ACYP2: variants seen among roughly 807,000 people sequenced by gnomAD.
The protein encoded by ACYP2 is acylphosphatase-2.
ACYP2 carries 12 observed loss-of-function variants against 11.2 expected under a neutral mutation model. The observed-to-expected ratio is 1.08, with a 90% CI of 0.69 to 1.74. The LOEUF is 1.74. Among genes scored for constraint, ACYP2 ranks in the 40% most tolerant of loss-of-function variants. The pLI, the probability that ACYP2 is intolerant of heterozygous loss-of-function variation, is 0.00. For missense variants in ACYP2, 134 were observed against 101.9 expected, an observed-to-expected ratio of 1.31 and a Z score of -1.35; for synonymous variants, 43 against 32.2, an observed-to-expected ratio of 1.33 and a Z score of -1.13.
chr2:54,240,213 A>T (rs567942614), intron 6 of ACYP2, among the ~76,000 whole-genome samples: 10 of 152,298 alleles, frequency 6.6e-5, no homozygotes, highest in Admixed American at 5.9e-4. Context: ...TGTCACCATG[A>T]TCTTAGTGTT....
Position 54,165,962 on chromosome 2 carries a change from T to C in ACYP2, c.404+27214T>C, listed in dbSNP as rs191171748. ...TCAGCCTGACTTGTTGCAGAAAACATACTGCCTTAATCCACCAAAACACAC... is the reference window on the plus strand; with the variant it reads ...TCAGCCTGACTTGTTGCAGAAAACACACTGCCTTAATCCACCAAAACACAC... On this transcript the variant is annotated intron_variant, in intron 6 of 6. Transcript: ENST00000607452. Among the ~76,000 whole-genome samples the C allele has an allele frequency of 2.6e-3, 401 of 152,350 alleles. 2 individuals carry two copies. Among genetic ancestry groups the C allele is most frequent in the African/African-American group, 9.2e-3 (381 of 41,576 alleles).
chr2:54,298,855 G>C (rs1374292352), intron 6 of ACYP2, among the ~76,000 whole-genome samples: 1 of 152,134 alleles, frequency 6.6e-6, no homozygotes, highest in African/African-American at 2.4e-5. Flanking sequence ...AGGTTGAAGC[G>C]ATTCTCTTGC....
At chr2:54,100,926 G>C (rs956505739) in intron 4 of ACYP2, among the ~76,000 whole-genome samples, 4 of 152,216 alleles carry the variant, frequency 2.6e-5, no homozygotes, top group African/African-American at 9.6e-5. Context: ...GGTGCTAGGA[G>C]ACTCTTGAAG....
intron 4 of ACYP2, among the ~76,000 whole-genome samples, chr2:54,124,316 T>G (rs1169327056): frequency 1.3e-5 from 2 of 152,100 alleles, no homozygotes; most frequent in Non-Finnish European, 2.9e-5. Context: ...TGCCTCAGCC[T>G]CCTGTGTAGC....
At chr2:54,141,178 A>G (rs1681579677) in intron 6 of ACYP2, among the ~76,000 whole-genome samples, 1 of 152,108 alleles carries the variant, frequency 6.6e-6, no homozygotes, top group African/African-American at 2.4e-5. Context: ...AGCTCTTTGT[A>G]TATTGGTTAT....
intron 4 of ACYP2, among the ~76,000 whole-genome samples, chr2:54,067,952 A>T (rs1317348253): frequency 2.0e-5 from 3 of 152,234 alleles, no homozygotes; most frequent in Admixed American, 2.0e-4. Flanking sequence ...TGCATAACCC[A>T]TAAGATTTAA....
At chr2:53,971,902 C>T (rs148689114) in intron 1 of ACYP2, among the ~76,000 whole-genome samples, 6 of 152,260 alleles carry the variant, frequency 3.9e-5, no homozygotes, top group African/African-American at 7.2e-5. Context: ...AGAGAGGGGA[C>T]GGAGAAATGA....
At chr2:54,220,597 T>C (rs1041543973) in intron 6 of ACYP2, among the ~76,000 whole-genome samples, 7 of 151,718 alleles carry the variant, frequency 4.6e-5, no homozygotes, top group African/African-American at 1.4e-4. Flanking sequence ...TCTATTTTAA[T>C]AATATCAATT....
At position 54,076,016 on chromosome 2, in the gene ACYP2, TA is replaced by T. The variant is rs201547166; in HGVS notation, c.277+18658del. ...ATAAAAAGTGTTTTGATTTTAGATTTAATATTGTTTTTAGAACATTCATTAG... is the reference window on the plus strand; with the variant it reads ...ATAAAAAGTGTTTTGATTTTAGATTTATATTGTTTTTAGAACATTCATTAG... On this transcript the variant is annotated intron_variant, in intron 4 of 6. Coordinates refer to ENST00000607452, the MANE Select transcript of ACYP2 (RefSeq NM_001320586.2). 9.9e-3 allele frequency among the ~76,000 whole-genome samples: 1,514 copies of T among 152,324 alleles called. 12 individuals are homozygous for T. The highest frequency in any genetic ancestry group is 0.015 in the Non-Finnish European group (1,015 of 68,024).
chr2:54,118,832 A>T (rs1394959469), intron 4 of ACYP2, among the ~76,000 whole-genome samples: 1 of 152,192 alleles, frequency 6.6e-6, no homozygotes, highest in Non-Finnish European at 1.5e-5. Flanking sequence ...GTACAAACTC[A>T]CCATCACATA....
chr2:54,221,098 C>G (rs1209832045), intron 6 of ACYP2, among the ~76,000 whole-genome samples: 1 of 152,058 alleles, frequency 6.6e-6, no homozygotes, highest in African/African-American at 2.4e-5. Context: ...ATGAGAAGAG[C>G]TTTCCCTGGG....
intron 4 of ACYP2, among the ~76,000 whole-genome samples, chr2:54,104,389 A>G (rs1679048517): frequency 6.6e-6 from 1 of 152,216 alleles, no homozygotes; most frequent in Non-Finnish European, 1.5e-5. Flanking sequence ...AGTGTATTAT[A>G]TATTTATTTT....
At chr2:54,093,681 C>G (rs1278386641) in intron 4 of ACYP2, among the ~76,000 whole-genome samples, 1 of 152,238 alleles carries the variant, frequency 6.6e-6, no homozygotes, top group Non-Finnish European at 1.5e-5. Flanking sequence ...TGGCTCACGC[C>G]TGTAATTCCA....
chr2:54,125,665 G>T (rs1347357906), intron 4 of ACYP2, among the ~76,000 whole-genome samples: 16 of 152,154 alleles, frequency 1.1e-4, no homozygotes, highest in Admixed American at 8.5e-4. Context: ...CAGGAGAATT[G>T]CTTGAACCTG....
chr2:54,266,674 C>T (rs1300830212), intron 6 of ACYP2, among the ~76,000 whole-genome samples: 4 of 129,536 alleles, frequency 3.1e-5, no homozygotes, highest in East Asian at 4.9e-4. Context: ...GGCGCGATCT[C>T]GGCTCACTGC....
At chr2:54,277,427 C>A (rs1294408866) in intron 6 of ACYP2, among the ~76,000 whole-genome samples, 2 of 152,160 alleles carry the variant, frequency 1.3e-5, no homozygotes, top group African/African-American at 4.8e-5. Context: ...CATCTGCAAT[C>A]CCAGCACTTT....
At chr2:54,250,455 G>T (rs370889218) in intron 6 of ACYP2, among the ~76,000 whole-genome samples, 6 of 127,286 alleles carry the variant, frequency 4.7e-5, no homozygotes, top group Admixed American at 4.5e-4. Context: ...GCAGAACTCC[G>T]TCTCAGGGCA....
chr2:54,186,574 C>T (rs1271507643), intron 6 of ACYP2, among the ~76,000 whole-genome samples: 3 of 152,084 alleles, frequency 2.0e-5, no homozygotes, highest in South Asian at 2.1e-4. Flanking sequence ...AGTACAATGG[C>T]GTGGTCTCAG....
intron 2 of ACYP2, among the ~76,000 whole-genome samples, chr2:54,042,658 T>C (rs1254924223): frequency 6.6e-6 from 1 of 152,186 alleles, no homozygotes; most frequent in Non-Finnish European, 1.5e-5. Context: ...GAGTAGATCC[T>C]AATTAGGGGT....
Sources: allele counts gnomAD v4.1 joint callset (sites outside exome capture counted in the v4.1 genomes callset), GRCh38; gene constraint gnomAD v4.1.1; transcripts MANE v1.5; gene names NCBI Gene and HGNC (gene_info 2026-07-23, HGNC 2026-07-21).